Variants in MINDY4 observed in about 807,000 individuals in gnomAD.
MINDY4 encodes the protein MINDY lysine 48 deubiquitinase 4.
In MINDY4, 68 loss-of-function variants were observed where a neutral mutation model predicts 87.0. The ratio of observed to expected loss-of-function variants is 0.78; its 90% CI spans 0.64 to 0.96. MINDY4 has a LOEUF of 0.96. MINDY4 is among the 40% of genes least tolerant of loss of function. The probability of loss-of-function intolerance (pLI) is 0.00; values close to 1 mark genes in which losing one functional copy is unlikely to be tolerated. For missense variants in MINDY4, 919 were observed against 928.2 expected, an observed-to-expected ratio of 0.99 and a Z score of 0.13; for synonymous variants, 379 against 363.2, an observed-to-expected ratio of 1.04 and a Z score of -0.50.
intron 3 of MINDY4, among the ~76,000 whole-genome samples, chr7:30,782,523 G>A (rs1787036770): frequency 6.6e-6 from 1 of 152,090 alleles, no homozygotes; most frequent in Non-Finnish European, 1.5e-5. Flanking sequence ...ATAACATAGA[G>A]AGACCCTGTC....
chr7:30,882,452 C>T, intron 16 of MINDY4, 91 bp downstream of exon 16: 1 of 1,133,702 alleles, frequency 8.8e-7, no homozygotes, highest in African/African-American at 1.6e-5. Flanking sequence ...CCACCACCAA[C>T]CCCCATGACA....
intron 16 of MINDY4, 119 bp downstream of exon 16, chr7:30,882,480 C>T: frequency 3.3e-6 from 3 of 916,792 alleles, no homozygotes; most frequent in South Asian, 1.9e-5. Context: ...GTGCAGACTC[C>T]AGCATCCAGA....
intron 15 of MINDY4, among the ~76,000 whole-genome samples, chr7:30,879,598 C>T (rs993125121): frequency 6.6e-6 from 1 of 152,230 alleles, no homozygotes; most frequent in South Asian, 2.1e-4. Context: ...GGCTCTCTCC[C>T]ACCTCCTGGC....
chr7:30,771,529 C>T lies in MINDY4; in HGVS notation c.36C>T (p.Ser12=), dbSNP rs371525007. 8 of 1,604,180 alleles carry T rather than the reference C, an allele frequency of 5.0e-6. No homozygotes were observed. In the African/African-American group the frequency reaches 1.1e-4, roughly 21 times the overall value. ...DSLFVEEVAA[S]LVREFLSRKG... Reference sequence around the variant, plus strand: ...TCTTCGTGGAGGAGGTGGCCGCCTCCTTGGTCAGGGAGTTCCTCAGCAGAA... The same window carrying T: ...TCTTCGTGGAGGAGGTGGCCGCCTCTTTGGTCAGGGAGTTCCTCAGCAGAA... The change falls in exon 1 of 18, where the codon TCC becomes TCT. Residue 12 remains serine (S), a synonymous_variant. Coordinates refer to ENST00000265299, the MANE Select transcript of MINDY4 (RefSeq NM_032222.3).
Position 30,771,426 on chromosome 7 carries a change from C to G in MINDY4, c.-68C>G, listed in dbSNP as rs914194876. ...CCACGGCAACGCGGCCATACTGCGCCGGACAGACCCAGTTGCCTGGTGCTG... is the reference window on the plus strand; with the variant it reads ...CCACGGCAACGCGGCCATACTGCGCGGGACAGACCCAGTTGCCTGGTGCTG... On this transcript the variant is annotated 5_prime_UTR_variant, in exon 1 of 18. Transcript: ENST00000265299. The G allele has an allele frequency of 1.2e-4, 179 of 1,527,934 alleles. No individual in the cohort carries two copies. Among genetic ancestry groups the G allele is most frequent in the East Asian group, 1.6e-4 (7 of 42,574 alleles). The allele number at this position is 1,527,934 out of a possible 1,614,324, so 94.6% of individuals were successfully genotyped here.
chr7:30,883,089 T>C, intron 17 of MINDY4, 96 bp downstream of exon 17: 1 of 1,155,398 alleles, frequency 8.7e-7, no homozygotes. Context: ...GCAGATAGGT[T>C]CCTGGACCAC....
At chr7:30,824,249 A>G (rs1011840024) in intron 5 of MINDY4, among the ~76,000 whole-genome samples, 1 of 152,128 alleles carries the variant, frequency 6.6e-6, no homozygotes, top group African/African-American at 2.4e-5. Flanking sequence ...CATGATGGGG[A>G]GGCTGAGTGT....
intron 11 of MINDY4, among the ~76,000 whole-genome samples, chr7:30,853,106 G>A (rs113009678): frequency 0.035 from 5,386 of 152,272 alleles, 290 homozygotes; most frequent in African/African-American, 0.12. Context: ...ATGGGGTGCA[G>A]CCCTCCCCTG....
intron 3 of MINDY4, 68 bp downstream of exon 3, chr7:30,782,280 T>C: frequency 8.2e-7 from 1 of 1,224,186 alleles, no homozygotes; most frequent in South Asian, 1.4e-5. Context: ...ATGTACTTCA[T>C]GGCTGTTTCA....
chr7:30,882,454 C>T (rs879308145), intron 16 of MINDY4, 93 bp downstream of exon 16: 4 of 1,129,658 alleles, frequency 3.5e-6, no homozygotes, highest in East Asian at 2.6e-5. Context: ...ACCACCAACC[C>T]CCATGACAGA....
Position 30,785,934 on chromosome 7 carries a change from C to A in MINDY4, c.605C>A (p.Pro202Gln). The change falls in exon 4 of 18, where the codon CCA (proline) becomes CAA (glutamine). Residue 202 changes from proline (P) to glutamine (Q), a missense_variant. Transcript: ENST00000265299. Reference protein sequence around the residue: ...DVKRMGENSRPKSGLIVRGMM... With the variant: ...DVKRMGENSRQKSGLIVRGMM... ...AAGAGGATGGGAGAGAATTCCAGGC[C>A]AAAGTCTGGTCTGATTGTGCGAGGC... 1 of 1,614,166 alleles carries A rather than the reference C, an allele frequency of 6.2e-7. No individual in the cohort carries two copies. The highest frequency in any genetic ancestry group is 1.3e-5 in the African/African-American group (1 of 75,046).
chr7:30,777,908 A>G (rs1239748103), intron 1 of MINDY4, among the ~76,000 whole-genome samples: 3 of 152,206 alleles, frequency 2.0e-5, no homozygotes, highest in South Asian at 4.1e-4. Flanking sequence ...CTGGCAGTTC[A>G]GGGTGGGATG....
At chr7:30,795,612 T>G (rs938421713) in intron 5 of MINDY4, among the ~76,000 whole-genome samples, 2 of 152,196 alleles carry the variant, frequency 1.3e-5, no homozygotes. Context: ...CTGTTGCTGG[T>G]GTAGCATTAC....
intron 7 of MINDY4, among the ~76,000 whole-genome samples, chr7:30,837,519 C>G (rs980710147): frequency 6.6e-6 from 1 of 152,148 alleles, no homozygotes; most frequent in African/African-American, 2.4e-5. Flanking sequence ...TCGTTTCCTT[C>G]CCCTCTCCTC....
intron 12 of MINDY4, among the ~76,000 whole-genome samples, chr7:30,856,539 C>T (rs1409155809): frequency 1.3e-5 from 2 of 151,936 alleles, no homozygotes; most frequent in African/African-American, 4.8e-5. Context: ...CAGTGGGTTT[C>T]TGTGTCTGTT....
At chr7:30,808,255 T>C (rs1399385164) in intron 5 of MINDY4, among the ~76,000 whole-genome samples, 1 of 152,178 alleles carries the variant, frequency 6.6e-6, no homozygotes, top group African/African-American at 2.4e-5. Context: ...TTGGTAAGAC[T>C]AGTCTTTGGA....
chr7:30,791,680 C>A, intron 5 of MINDY4, 106 bp downstream of exon 5: 2 of 1,240,408 alleles, frequency 1.6e-6, no homozygotes, highest in Non-Finnish European at 1.1e-6. Flanking sequence ...TCTCCTTGGT[C>A]TCTCAGAACA....
At chr7:30,797,387 A>G (rs1017012) in intron 5 of MINDY4, among the ~76,000 whole-genome samples, 76,834 of 152,130 alleles carry the variant, frequency 0.51, 20,032 homozygotes, top group African/African-American at 0.58. Context: ...CCCTGGGGAC[A>G]GAGCTGCTAT....
At chr7:30,869,905 T>C (rs1287573237) in intron 13 of MINDY4, among the ~76,000 whole-genome samples, 1 of 152,104 alleles carries the variant, frequency 6.6e-6, no homozygotes, top group East Asian at 1.9e-4. Flanking sequence ...GCTGAGGCTG[T>C]TGTTCCTCTG....
Sources: gnomAD v4.1 joint callset for allele counts (sites outside exome capture counted in the v4.1 genomes callset) on GRCh38, gnomAD v4.1.1 for gene constraint, MANE v1.5 for transcripts, NCBI Gene and HGNC (gene_info 2026-07-23, HGNC 2026-07-21) for gene names.